Variants in PRKD1 observed in about 807,000 individuals in gnomAD.
PRKD1 encodes serine/threonine-protein kinase D1.
A neutral mutation model predicts 95.9 loss-of-function variants in PRKD1; 63 were observed. The ratio of observed to expected loss-of-function variants is 0.66; its 90% CI spans 0.54 to 0.81. The LOEUF is 0.81. PRKD1 is among the 30% of genes least tolerant of loss of function. The pLI is 0.00. For missense variants in PRKD1, 1,048 were observed against 1,165.3 expected (o/e 0.90, Z 1.47); for synonymous variants, 425 against 423.1 (o/e 1.00, Z -0.05).
intron 1 of PRKD1, among the ~76,000 whole-genome samples, chr14:29,819,104 A>G (rs906259329): frequency 3.9e-5 from 6 of 152,206 alleles, no homozygotes; most frequent in Non-Finnish European, 8.8e-5. Context: ...GACAACAACA[A>G]AATGCAGTGT....
intron 1 of PRKD1, among the ~76,000 whole-genome samples, chr14:29,856,017 A>G (rs80248772): frequency 4.9e-4 from 74 of 152,256 alleles, no homozygotes; most frequent in Admixed American, 2.2e-3. Flanking sequence ...ATATATGCAC[A>G]CTAATCCATC....
intron 1 of PRKD1, 90 bp from the exon 2 acceptor site, chr14:29,725,764 T>C: frequency 7.3e-7 from 1 of 1,369,558 alleles, no homozygotes; most frequent in Non-Finnish European, 1.0e-6. Context: ...ACAAGCTAAT[T>C]AGAAAAGTTC....
At chr14:29,580,117 A>C (rs2138948359) in intron 16 of PRKD1, among the ~76,000 whole-genome samples, 1 of 152,254 alleles carries the variant, frequency 6.6e-6, no homozygotes, top group African/African-American at 2.4e-5. Context: ...CATGTCATTA[A>C]TTCACTCATT....
chr14:29,834,089 A>G (rs945144134), intron 1 of PRKD1, among the ~76,000 whole-genome samples: 24 of 152,164 alleles, frequency 1.6e-4, no homozygotes, highest in African/African-American at 5.5e-4. Flanking sequence ...GAATTTTAAC[A>G]TTAAATACTA....
intron 1 of PRKD1, among the ~76,000 whole-genome samples, chr14:29,882,873 GT>G (rs1893562904): frequency 6.6e-6 from 1 of 152,152 alleles, no homozygotes; most frequent in African/African-American, 2.4e-5. Flanking sequence ...GTGTGTGTGT[GT>G]GCACGTGTAT....
chr14:29,615,555 C>G (rs1489122461), intron 13 of PRKD1, among the ~76,000 whole-genome samples: 1 of 152,218 alleles, frequency 6.6e-6, no homozygotes, highest in Non-Finnish European at 1.5e-5. Flanking sequence ...CCAGGTTTTG[C>G]CAATGCCGGG....
chr14:29,655,685 G>T lies in PRKD1; in HGVS notation c.696+8014C>A, dbSNP rs560874931. On this transcript the variant is annotated intron_variant, in intron 4 of 17. Coordinates refer to ENST00000331968, the MANE Select transcript of PRKD1 (RefSeq NM_002742.3). ...CATTCATTGCTTAAAATAGAAAAAA[G>T]GCCAATTTTGGAGGAGGGCTTAACT... 1.7e-3 allele frequency among the ~76,000 whole-genome samples: 251 copies of T among 152,078 alleles called. 1 individual carries two copies. Among genetic ancestry groups the T allele is most frequent in the African/African-American group, 5.8e-3 (241 of 41,498 alleles).
At chr14:29,598,189 T>C (rs1203276965) in intron 15 of PRKD1, among the ~76,000 whole-genome samples, 5 of 151,522 alleles carry the variant, frequency 3.3e-5, no homozygotes, top group South Asian at 2.1e-4. Context: ...GGTGAGAGGA[T>C]TGATTGAGTC....
chr14:29,771,386 C>A (rs1432975299), intron 1 of PRKD1, among the ~76,000 whole-genome samples: 1 of 152,128 alleles, frequency 6.6e-6, no homozygotes, highest in Non-Finnish European at 1.5e-5. Flanking sequence ...GCAGTTGCCG[C>A]CTAGCACTGC....
intron 1 of PRKD1, among the ~76,000 whole-genome samples, chr14:29,776,899 G>A (rs1351428005): frequency 6.6e-6 from 1 of 152,186 alleles, no homozygotes; most frequent in Admixed American, 6.5e-5. Context: ...AGAGAGAAAG[G>A]TCGGGTTACC....
At chr14:29,821,624 A>C (rs967350897) in intron 1 of PRKD1, among the ~76,000 whole-genome samples, 3 of 152,220 alleles carry the variant, frequency 2.0e-5, no homozygotes. Context: ...GACACACTGG[A>C]ATTTTTATAG....
intron 1 of PRKD1, among the ~76,000 whole-genome samples, chr14:29,868,880 T>C (rs531361433): frequency 6.6e-6 from 1 of 152,268 alleles, no homozygotes; most frequent in East Asian, 1.9e-4. Context: ...CGGACACAAG[T>C]GCAAGGCAAA....
At chr14:29,617,776 C>A (rs1349557911) in intron 13 of PRKD1, among the ~76,000 whole-genome samples, 2 of 151,872 alleles carry the variant, frequency 1.3e-5, no homozygotes, top group Non-Finnish European at 2.9e-5. Context: ...AGATTTTAAC[C>A]TTCTAACTGG....
intron 1 of PRKD1, among the ~76,000 whole-genome samples, chr14:29,844,566 A>G (rs1892004257): frequency 6.6e-6 from 1 of 152,200 alleles, no homozygotes; most frequent in South Asian, 2.1e-4. Context: ...AGTGTACTAT[A>G]AACTGTTTAG....
At chr14:29,897,027 T>C (rs982064904) in intron 1 of PRKD1, among the ~76,000 whole-genome samples, 15 of 151,824 alleles carry the variant, frequency 9.9e-5, no homozygotes, top group African/African-American at 3.6e-4. Flanking sequence ...AAAATGAAAA[T>C]ATCTATGATC....
At chr14:29,752,507 T>C (rs1218239767) in intron 1 of PRKD1, among the ~76,000 whole-genome samples, 6 of 151,972 alleles carry the variant, frequency 3.9e-5, no homozygotes, top group Non-Finnish European at 8.8e-5. Context: ...GATTTCCACA[T>C]ACAAGCACTT....
chr14:29,799,360 AT>A (rs1389455214), intron 1 of PRKD1, among the ~76,000 whole-genome samples: 3 of 152,304 alleles, frequency 2.0e-5, no homozygotes, highest in Admixed American at 2.0e-4. Context: ...CTTTGCTTGA[AT>A]TTTGATTTTT....
intron 1 of PRKD1, among the ~76,000 whole-genome samples, chr14:29,820,644 C>G (rs12883327): frequency 6.6e-6 from 1 of 151,926 alleles, no homozygotes; most frequent in African/African-American, 2.4e-5. Flanking sequence ...AACACAGCAT[C>G]TCCTGGGAAT....
chr14:29,838,863 G>A (rs1891717325), intron 1 of PRKD1, among the ~76,000 whole-genome samples: 1 of 152,092 alleles, frequency 6.6e-6, no homozygotes, highest in African/African-American at 2.4e-5. Context: ...GGTTTGAAAA[G>A]AGTCCCTATC....
Sources: allele counts gnomAD v4.1 joint callset (sites outside exome capture counted in the v4.1 genomes callset), GRCh38; gene constraint gnomAD v4.1.1; transcripts MANE v1.5; gene names NCBI Gene and HGNC (gene_info 2026-07-23, HGNC 2026-07-21).